Variants in MOB1B observed in about 807,000 individuals in gnomAD.
The protein encoded by MOB1B is MOB1 Mps One Binder homolog B.
A neutral mutation model predicts 24.4 loss-of-function variants in MOB1B; 19 were observed. The ratio of observed to expected loss-of-function variants is 0.78; its 90% CI spans 0.54 to 1.14. The LOEUF (loss-of-function observed/expected upper bound fraction) is 1.14, where lower values mean the gene tolerates loss of function less well. MOB1B is among the 50% of genes most tolerant of loss of function. The pLI is 0.00. For missense variants in MOB1B, 243 were observed against 259.6 expected, an observed-to-expected ratio of 0.94 and a Z score of 0.44; for synonymous variants, 76 against 82.1, an observed-to-expected ratio of 0.93 and a Z score of 0.40.
intron 1 of MOB1B, among the ~76,000 whole-genome samples, chr4:70,918,756 A>T (rs1736299659): frequency 6.6e-6 from 1 of 152,158 alleles, no homozygotes; most frequent in South Asian, 2.1e-4. Flanking sequence ...TTAGACATGA[A>T]GTCCTTGCCC....
chr4:70,962,142 C>T (rs773649661), intron 2 of MOB1B, among the ~76,000 whole-genome samples: 21 of 152,024 alleles, frequency 1.4e-4, no homozygotes, highest in African/African-American at 2.2e-4. Context: ...GAGGATGGCT[C>T]GAGCCCAGGA....
intron 1 of MOB1B, among the ~76,000 whole-genome samples, chr4:70,918,876 G>T (rs1228566292): frequency 6.6e-6 from 1 of 152,044 alleles, no homozygotes; most frequent in African/African-American, 2.4e-5. Context: ...GTTTATTGCG[G>T]CACTATTCAC....
chr4:70,976,532 T>C (rs1739003966), intron 4 of MOB1B: 2 of 985,288 alleles, frequency 2.0e-6, no homozygotes, highest in Non-Finnish European at 2.4e-6. Flanking sequence ...TAGATAGTCA[T>C]GTTTTTGCCT....
intron 1 of MOB1B, among the ~76,000 whole-genome samples, chr4:70,919,222 T>C (rs1258358015): frequency 1.3e-5 from 2 of 151,764 alleles, no homozygotes; most frequent in Non-Finnish European, 2.9e-5. Context: ...GACGAGTTAG[T>C]GGGTGCAGTG....
At chr4:70,911,389 A>G (rs1011787394) in intron 1 of MOB1B, among the ~76,000 whole-genome samples, 1 of 151,474 alleles carries the variant, frequency 6.6e-6, no homozygotes, top group Non-Finnish European at 1.5e-5. Context: ...AAAGGATAAC[A>G]TCTTACATAT....
intron 1 of MOB1B, among the ~76,000 whole-genome samples, chr4:70,927,822 G>A (rs142602514): frequency 2.6e-5 from 4 of 152,182 alleles, no homozygotes; most frequent in African/African-American, 7.2e-5. Context: ...ATTGGAATGG[G>A]CTGGAAGTGG....
intron 2 of MOB1B, among the ~76,000 whole-genome samples, chr4:70,962,380 G>T (rs1210743824): frequency 6.6e-6 from 1 of 152,166 alleles, no homozygotes; most frequent in African/African-American, 2.4e-5. Flanking sequence ...TTATGAAAGA[G>T]ACCAGTGGTC....
chr4:70,904,137 C>A (rs1396833479), intron 1 of MOB1B, among the ~76,000 whole-genome samples: 2 of 151,612 alleles, frequency 1.3e-5, no homozygotes, highest in African/African-American at 4.8e-5. Context: ...CCCGCGCCAC[C>A]ACGCCTGGCT....
intron 1 of MOB1B, among the ~76,000 whole-genome samples, chr4:70,924,736 T>C (rs6820816): frequency 6.6e-6 from 1 of 152,154 alleles, no homozygotes; most frequent in East Asian, 1.9e-4. Context: ...TGAGGACATG[T>C]GGTGTTTGGT....
At chr4:70,959,114 G>C in intron 2 of MOB1B, 74 bp downstream of exon 2, 1 of 1,232,272 alleles carries the variant, frequency 8.1e-7, no homozygotes, top group Non-Finnish European at 1.1e-6. Context: ...TGTTGGTGCT[G>C]TCCATTCTAG....
intron 1 of MOB1B, among the ~76,000 whole-genome samples, chr4:70,913,267 T>C (rs1339844839): frequency 6.8e-6 from 1 of 146,534 alleles, no homozygotes; most frequent in Non-Finnish European, 1.5e-5. Context: ...TGGGTATGTA[T>C]GTATGTATGT....
chr4:70,919,367 A>C (rs1426782652), intron 1 of MOB1B, among the ~76,000 whole-genome samples: 1 of 152,140 alleles, frequency 6.6e-6, no homozygotes, highest in Non-Finnish European at 1.5e-5. Flanking sequence ...GGAATTCCAG[A>C]TTCCCGTAAA....
In MOB1B at chr4:70,969,923, C is replaced by G. The variant is rs751333075; in HGVS notation, c.182-8C>G. ...CTGTTTTACTTACAACTGATACTTG[C>G]TTTACAGCTGTGGATTTCTTCAATC... On this transcript the variant is annotated splice_polypyrimidine_tract_variant and splice_region_variant and intron_variant, in intron 2 of 5. Transcript: ENST00000309395. 1 of 1,535,506 alleles carries G rather than the reference C, an allele frequency of 6.5e-7. No homozygotes were observed. The highest frequency in any genetic ancestry group is 9.0e-7 in the Non-Finnish European group (1 of 1,115,616).
chr4:70,967,178 G>C (rs1327745594), intron 2 of MOB1B, among the ~76,000 whole-genome samples: 2 of 149,474 alleles, frequency 1.3e-5, no homozygotes, highest in Admixed American at 6.7e-5. Context: ...CTGTCACCCA[G>C]GCTGGAGTGC....
intron 1 of MOB1B, among the ~76,000 whole-genome samples, chr4:70,927,964 G>A (rs1434437661): frequency 6.6e-6 from 1 of 152,072 alleles, no homozygotes; most frequent in East Asian, 1.9e-4. Flanking sequence ...CTCTCAACCT[G>A]CTTTGCTCCA....
Position 70,907,549 on chromosome 4 carries a change from C to T in MOB1B, c.14+4999C>T, listed in dbSNP as rs531102564. Among the ~76,000 whole-genome samples the T allele has an allele frequency of 6.1e-4, 93 of 152,184 alleles. 1 individual carries two copies. The highest frequency in any genetic ancestry group is 2.1e-3 in the African/African-American group (86 of 41,534). ...TTTTCTTGTTAAGAGACAGGGTCAC[C>T]GAGGACGGTGGTGGCTCATGCCTAT... On this transcript the variant is annotated intron_variant, in intron 1 of 5. Transcript: ENST00000309395.
At chr4:70,936,831 T>G (rs1322256388) in intron 1 of MOB1B, among the ~76,000 whole-genome samples, 2 of 152,156 alleles carry the variant, frequency 1.3e-5, no homozygotes, top group African/African-American at 4.8e-5. Context: ...AGTTCTAGGG[T>G]AGAAATAATT....
chr4:70,965,796 CAAAAA>C (rs71211986), intron 2 of MOB1B, among the ~76,000 whole-genome samples: 18 of 28,700 alleles, frequency 6.3e-4, no homozygotes, highest in African/African-American at 1.5e-3. Flanking sequence ...GACTCCGTCT[CAAAAA>C]AAAAAAAAAA....
chr4:70,922,371 A>T lies in MOB1B; in HGVS notation c.14+19821A>T, dbSNP rs190347122. Among the ~76,000 whole-genome samples, 649 of 152,348 alleles carry T rather than the reference A, an allele frequency of 4.3e-3. 14 individuals carry two copies. Among genetic ancestry groups the T allele is most frequent in the Admixed American group, 0.033 (500 of 15,288 alleles). On this transcript the variant is annotated intron_variant, in intron 1 of 5. Transcript: ENST00000309395. ...TTGCTGTACTTAATTTTTACTTTTAACAAGGGAGACACGAGACATCAACCA... is the reference window on the plus strand; with the variant it reads ...TTGCTGTACTTAATTTTTACTTTTATCAAGGGAGACACGAGACATCAACCA...
Sources: gnomAD v4.1 joint callset for allele counts (sites outside exome capture counted in the v4.1 genomes callset) on GRCh38, gnomAD v4.1.1 for gene constraint, MANE v1.5 for transcripts, NCBI Gene and HGNC (gene_info 2026-07-23, HGNC 2026-07-21) for gene names.